The following VWC2 variants were observed in gnomAD, a reference collection of about 807,000 sequenced individuals.
VWC2 encodes von Willebrand factor C domain containing 2.
VWC2 carries 14 observed loss-of-function variants against 29.8 expected under a neutral mutation model. That is an observed-to-expected ratio of 0.47 (90% CI 0.31 to 0.74). VWC2 has a LOEUF of 0.74. VWC2 is among the 30% of genes least tolerant of loss of function. VWC2 has a pLI of 0.05. For missense variants in VWC2, 457 were observed against 459.8 expected (o/e 0.99, Z 0.05); for synonymous variants, 213 against 199.0 (o/e 1.07, Z -0.59).
intron 3 of VWC2, among the ~76,000 whole-genome samples, chr7:49,869,189 T>C (rs1791032359): frequency 6.6e-6 from 1 of 152,144 alleles, no homozygotes; most frequent in African/African-American, 2.4e-5. Flanking sequence ...TAAAACATGG[T>C]ATCCTACAGC....
Position 49,912,147 on chromosome 7 carries a change from C to G in VWC2, c.940C>G (p.Gln314Glu). 6.2e-7 allele frequency: 1 copy of G among 1,614,074 alleles called. No homozygotes were observed. The highest frequency in any genetic ancestry group is 8.5e-7 in the Non-Finnish European group (1 of 1,179,998). The stretch of plus-strand genomic sequence containing the variant: ...GGAAGGCACATGGAGAATCGAGCGG[C>G]AGGCCATGTGCACGAGACATGAATG... The part of the protein sequence containing the change: ...YEEGTWRIER[Q>E]AMCTRHECRQ... The change falls in exon 4 of 4, where the codon CAG (glutamine) becomes GAG (glutamate). Residue 314 changes from glutamine (Q) to glutamate (E), a missense_variant. By Grantham distance (29) the Gln-to-Glu change is conservative. Around this residue, in one of 2 missense-constraint regions of VWC2, gnomAD observed 185 missense variants for 257.1 expected, o/e 0.72. Transcript: ENST00000340652.
chr7:49,912,223 C>A lies in VWC2; in HGVS notation c.*38C>A, dbSNP rs1468171798. The A allele has an allele frequency of 5.0e-6, 8 of 1,610,154 alleles. No homozygotes were observed. Among genetic ancestry groups the A allele is most frequent in the Non-Finnish European group, 3.4e-6 (4 of 1,177,532 alleles). On this transcript the variant is annotated 3_prime_UTR_variant, in exon 4 of 4. Coordinates refer to ENST00000340652, the MANE Select transcript of VWC2 (RefSeq NM_198570.5). The stretch of plus-strand genomic sequence containing the variant: ...ACACAAACTCTGACTTTTTCTAGAA[C>A]ATTTTACTGATGTGAACATTCTAGA...
At chr7:49,860,930 C>T (rs749229091) in intron 3 of VWC2, among the ~76,000 whole-genome samples, 1 of 152,196 alleles carries the variant, frequency 6.6e-6, no homozygotes, top group African/African-American at 2.4e-5. Flanking sequence ...ATACCTTGAC[C>T]TTGGACTTTC....
rs1253441505 is a variant in VWC2, at chr7:49,916,763, C to A, written c.*4578C>A. 5 of 152,314 alleles carry A rather than the reference C, an allele frequency of 3.3e-5. No individual in the cohort carries two copies. Among genetic ancestry groups the A allele is most frequent in the Non-Finnish European group, 5.9e-5 (4 of 68,028 alleles). 9.4% of individuals were successfully genotyped at this position (152,314 alleles called of 1,614,324 possible). ...AACTAAAAACTCCCATTACTGTTTG[C>A]CAACCCAGTTGTCTTTTGATTTCTC... On this transcript the variant is annotated 3_prime_UTR_variant, in exon 4 of 4. Transcript: ENST00000340652.
At chr7:49,789,374 A>T (rs566493425) in intron 2 of VWC2, among the ~76,000 whole-genome samples, 4 of 150,954 alleles carry the variant, frequency 2.6e-5, no homozygotes, top group Non-Finnish European at 5.9e-5. Context: ...TGTGAGTGTG[A>T]GTGTGTGTAT....
chr7:49,854,049 CT>C (rs572763437), intron 3 of VWC2, among the ~76,000 whole-genome samples: 4,140 of 151,938 alleles, frequency 0.027, 159 homozygotes, highest in South Asian at 0.12. Flanking sequence ...TGAACTCATC[CT>C]TTTTTATGGC....
intron 3 of VWC2, among the ~76,000 whole-genome samples, chr7:49,809,605 A>G (rs181548803): frequency 3.3e-4 from 50 of 152,144 alleles, no homozygotes; most frequent in African/African-American, 1.2e-3. Flanking sequence ...ATGAACATAA[A>G]TGGAAATCTC....
rs1304882348 is a variant in VWC2, at chr7:49,775,588, C to T, written c.153C>T (p.Ala51=). The change falls in exon 2 of 4, where the codon GCC becomes GCT. Residue 51 remains alanine (A), a synonymous_variant. Coordinates refer to ENST00000340652, the MANE Select transcript of VWC2 (RefSeq NM_198570.5). ...EQPGQEKREH[A]SRDGPGRVNE... ...CGGGCCAGGAGAAGCGTGAGCACGC[C>T]TCTCGGGACGGCCCGGGGCGGGTGA... The T allele has an allele frequency of 5.2e-6, 8 of 1,537,822 alleles. No individual in the cohort carries two copies. The highest frequency in any genetic ancestry group is 1.4e-5 in the African/African-American group (1 of 71,118).
At chr7:49,867,460 C>T (rs1458062233) in intron 3 of VWC2, among the ~76,000 whole-genome samples, 2 of 152,072 alleles carry the variant, frequency 1.3e-5, no homozygotes, top group Admixed American at 6.6e-5. Context: ...GCCTCCCAAG[C>T]GAAGGAAAAT....
intron 1 of VWC2, among the ~76,000 whole-genome samples, chr7:49,775,118 C>T (rs1788020836): frequency 1.3e-5 from 2 of 152,196 alleles, no homozygotes; most frequent in Non-Finnish European, 2.9e-5. Flanking sequence ...AGAAACACGC[C>T]GGCCGGTGTC....
intron 3 of VWC2, among the ~76,000 whole-genome samples, chr7:49,867,467 A>G (rs990309264): frequency 2.0e-5 from 3 of 152,200 alleles, no homozygotes; most frequent in Non-Finnish European, 4.4e-5. Flanking sequence ...AAGCGAAGGA[A>G]AATGTTAAGA....
chr7:49,895,506 C>T (rs1022724286), intron 3 of VWC2, among the ~76,000 whole-genome samples: 4 of 152,146 alleles, frequency 2.6e-5, no homozygotes, highest in African/African-American at 9.7e-5. Flanking sequence ...CAAATGATCA[C>T]AGAAAAAATC....
At chr7:49,876,069 A>C (rs1319298781) in intron 3 of VWC2, among the ~76,000 whole-genome samples, 2 of 152,134 alleles carry the variant, frequency 1.3e-5, no homozygotes, top group East Asian at 3.8e-4. Flanking sequence ...AATTGTTCAG[A>C]GTTTGTGGTT....
chr7:49,802,771 G>T lies in VWC2; in HGVS notation c.757G>T (p.Ala253Ser). Residue 253 changes from alanine to serine, a missense_variant, in exon 3 of 4, where the codon GCG becomes TCG. By Grantham distance (99) the Ala-to-Ser change is moderately conservative. Transcript: ENST00000340652. ...ANGEVLCTVS[A>S]CPQTECVDPV... ...CGGTGAGGTGCTATGCACAGTGTCA[G>T]CGTGTCCCCAGACGGAGTGTGTGGA... The T allele has an allele frequency of 6.2e-7, 1 of 1,614,266 alleles. No homozygotes were observed. The highest frequency in any genetic ancestry group is 8.5e-7 in the Non-Finnish European group (1 of 1,180,054).
At chr7:49,874,572 A>G (rs10244007) in intron 3 of VWC2, among the ~76,000 whole-genome samples, 2 of 146,960 alleles carry the variant, frequency 1.4e-5, no homozygotes, top group African/African-American at 2.6e-5. Context: ...GTGTGTGTGT[A>G]TGTATATATA....
chr7:49,852,520 TG>T (rs555905998), intron 3 of VWC2, among the ~76,000 whole-genome samples: 4 of 151,718 alleles, frequency 2.6e-5, no homozygotes, highest in African/African-American at 4.8e-5. Context: ...TTCTTAAAAT[TG>T]GGGGGGCAGA....
intron 3 of VWC2, among the ~76,000 whole-genome samples, chr7:49,870,273 G>A (rs536830540): frequency 8.2e-4 from 125 of 152,230 alleles, no homozygotes; most frequent in African/African-American, 9.6e-4. Flanking sequence ...GGTGGCGGGC[G>A]CCTGTAGTCC....
In VWC2 at chr7:49,775,567, C is replaced by G. The variant is rs1411339348; in HGVS notation, c.132C>G (p.Gly44=). 2 of 1,544,152 alleles carry G rather than the reference C, an allele frequency of 1.3e-6. No homozygotes were observed. The highest frequency in any genetic ancestry group is 5.0e-5 in the East Asian group (2 of 40,076). ...EKLAQAPEQP[G]QEKREHASRD... is the part of the protein sequence containing the mutation. ...TGGCCCAGGCACCAGAGCAGCCGGGCCAGGAGAAGCGTGAGCACGCCTCTC... is the reference window on the plus strand; with the variant it reads ...TGGCCCAGGCACCAGAGCAGCCGGGGCAGGAGAAGCGTGAGCACGCCTCTC... The change falls in exon 2 of 4, where the codon GGC becomes GGG. Residue 44 remains glycine (G), a synonymous_variant. Transcript: ENST00000340652.
chr7:49,852,958 C>T (rs1444796171), intron 3 of VWC2, among the ~76,000 whole-genome samples: 1 of 152,178 alleles, frequency 6.6e-6, no homozygotes, highest in Admixed American at 6.5e-5. Context: ...CCAAACAAAT[C>T]CAGTCCTTTA....
Sources: allele counts gnomAD v4.1 joint callset (sites outside exome capture counted in the v4.1 genomes callset), GRCh38; gene constraint gnomAD v4.1.1; regional missense constraint gnomAD v4.1.1; transcripts MANE v1.5; gene names NCBI Gene and HGNC (gene_info 2026-07-23, HGNC 2026-07-21).